Variants in ADGRD2 observed in about 807,000 individuals in gnomAD.
ADGRD2 encodes G protein-coupled receptor PGR24.
ADGRD2 carries 71 observed loss-of-function variants against 44.4 expected under a neutral mutation model. That is an observed-to-expected ratio of 1.60 (90% CI 1.32 to 1.95). The LOEUF is 1.95. ADGRD2 is among the 30% of genes most tolerant of loss of function. ADGRD2 has a pLI of 0.00. For missense variants in ADGRD2, 1,039 were observed against 512.4 expected, an observed-to-expected ratio of 2.03 and a Z score of -9.92; for synonymous variants, 481 against 224.8, an observed-to-expected ratio of 2.14 and a Z score of -10.19.
In ADGRD2 at chr9:124,454,560, C is replaced by T. The variant is rs117456728; in HGVS notation, c.1101C>T (p.Asn367=). The T allele has an allele frequency of 0.017, 12,108 of 716,836 alleles. 798 individuals carry two copies. In the East Asian group the frequency reaches 0.18, roughly 11 times the overall value. The allele number at this position is 716,836 out of a possible 1,614,324, so 44.4% of individuals were successfully genotyped here. ...TCAGCCGAGTCAATGCCTTGGCCAA[C>T]GACATTGTGGTGAGCTCCCTCTCAG... is the stretch of plus-strand genomic sequence containing the variant. Residue 367 remains asparagine (N), a synonymous_variant, in exon 5 of 22, where the codon AAC becomes AAT. Transcript: ENST00000334810. This position sits in a 1 kb window ranked among gnomAD's most constrained non-coding sequence, Gnocchi z 4.5.
At chr9:124,470,386 T>C in intron 16 of ADGRD2, 108 bp from the exon 20 acceptor site, 1 of 616,346 alleles carries the variant, frequency 1.6e-6, no homozygotes, top group Admixed American at 2.4e-5. Context: ...GTCCCGGCCC[T>C]CAGCTCCCAC....
At chr9:124,477,226 TG>T (rs1832066576) in intron 21 of ADGRD2, 3 of 367,460 alleles carry the variant, frequency 8.2e-6, no homozygotes, top group Non-Finnish European at 1.6e-5. Flanking sequence ...GTGGGTACTG[TG>T]GGAGGGTGAG....
intron 21 of ADGRD2, among the ~76,000 whole-genome samples, chr9:124,477,688 C>G (rs1376363283): frequency 3.9e-5 from 6 of 152,202 alleles, no homozygotes. Context: ...GACCAGCCCC[C>G]ATCCCCGGCT....
At chr9:124,451,166 G>A (rs76928670), upstream of ADGRD2, 1,552 of 472,326 alleles carry the variant, frequency 3.3e-3, 19 homozygotes, top group African/African-American at 0.028. Flanking sequence ...TGGGGAGCAG[G>A]GGAAAGGTGG....
chr9:124,458,515 C>G (rs896191104), intron 9 of ADGRD2, 101 bp from the exon 13 acceptor site: 1 of 654,418 alleles, frequency 1.5e-6, no homozygotes, highest in African/African-American at 1.8e-5. Flanking sequence ...CCTTCGGACA[C>G]AGAGGCTGCC....
chr9:124,451,332 C>T, upstream of ADGRD2: 2 of 418,918 alleles, frequency 4.8e-6, no homozygotes, highest in African/African-American at 4.1e-5. Flanking sequence ...TCGCCCCTCT[C>T]TGGCCAGCGA....
At chr9:124,457,949 T>A (rs1008690503) in intron 8 of ADGRD2, among the ~76,000 whole-genome samples, 164 bp from the exon 12 acceptor site, 4 of 152,136 alleles carry the variant, frequency 2.6e-5, no homozygotes, top group African/African-American at 9.7e-5. Context: ...GCTTGGAATT[T>A]TGGCTCTTCC....
upstream of ADGRD2, chr9:124,451,333 T>C: frequency 2.4e-6 from 1 of 417,774 alleles, no homozygotes; most frequent in East Asian, 7.2e-5. Context: ...CGCCCCTCTC[T>C]GGCCAGCGAC....
chr9:124,463,301 T>C (rs949103209), intron 10 of ADGRD2, among the ~76,000 whole-genome samples: 1 of 152,238 alleles, frequency 6.6e-6, no homozygotes, highest in African/African-American at 2.4e-5. Flanking sequence ...GATTTTCAAG[T>C]GTTAAACCAA....
exon 3 of ADGRD2, chr9:124,453,075 G>T (rs7861854): frequency 8.8e-6 from 6 of 681,578 alleles, no homozygotes; most frequent in Non-Finnish European, 1.3e-5. Flanking sequence ...ACGAGAGGAC[G>T]GCTGACCGGG....
At chr9:124,469,589 C>T (rs1488370733) in intron 16 of ADGRD2, 42 bp downstream of exon 19, 1 of 713,100 alleles carries the variant, frequency 1.4e-6, no homozygotes, top group Admixed American at 2.0e-5. Flanking sequence ...GCAGGAAGTG[C>T]ACAGTCAGCC....
In ADGRD2 at chr9:124,454,596, G is replaced by T; in HGVS notation, c.1108+27G>T. The stretch of plus-strand genomic sequence containing the variant: ...TGAGCTCCCTCTCAGGGGCTGGAAA[G>T]CCTGGGGGCTCCATGGGTCACCTCG... On this transcript the variant is annotated intron_variant, in intron 5 of 21. Transcript: ENST00000334810. This position sits in a 1 kb window ranked among gnomAD's most constrained non-coding sequence, Gnocchi z 4.5. 1 of 710,642 alleles carries T rather than the reference G, an allele frequency of 1.4e-6. No individual in the cohort carries two copies. Among genetic ancestry groups the T allele is most frequent in the Non-Finnish European group, 2.6e-6 (1 of 380,148 alleles). The allele number at this position is 710,642 out of a possible 1,614,324, so 44.0% of individuals were successfully genotyped here.
At chr9:124,461,174 C>A (rs1375621115) in intron 10 of ADGRD2, among the ~76,000 whole-genome samples, 1 of 152,056 alleles carries the variant, frequency 6.6e-6, no homozygotes, top group East Asian at 1.9e-4. Context: ...TGTAAGAATT[C>A]TTTATATATT....
chr9:124,459,262 C>T (rs887742503), intron 10 of ADGRD2, among the ~76,000 whole-genome samples: 1 of 152,152 alleles, frequency 6.6e-6, no homozygotes, highest in Non-Finnish European at 1.5e-5. Flanking sequence ...GAGGCCGAGG[C>T]GGGCGGATCA....
upstream of ADGRD2, chr9:124,451,183 G>C (rs1051676261): frequency 2.1e-6 from 1 of 472,104 alleles, no homozygotes; most frequent in Non-Finnish European, 4.4e-6. Flanking sequence ...GTGGCTGCAC[G>C]GAGCAGCGGT....
At chr9:124,457,592 G>GAGT in exon 8 of ADGRD2, 5 of 659,324 alleles carry the variant, frequency 7.6e-6, no homozygotes, top group Non-Finnish European at 1.4e-5. Context: ...GAAGTGAGGC[G>GAGT]ACTCCTCAGG....
intron 10 of ADGRD2, chr9:124,465,928 C>T: frequency 5.0e-6 from 1 of 199,422 alleles, no homozygotes; most frequent in African/African-American, 2.3e-5. Context: ...GGCCGGGGCC[C>T]TTGGACTCTT....
intron 10 of ADGRD2, 61 bp from the exon 14 acceptor site, chr9:124,466,197 G>A (rs1371688323): frequency 7.4e-6 from 4 of 542,226 alleles, no homozygotes; most frequent in African/African-American, 1.9e-5. Flanking sequence ...CCCAGGCTCT[G>A]GGGAAAGCCT....
chr9:124,466,617 C>G (rs1053576722), intron 11 of ADGRD2: 3 of 390,670 alleles, frequency 7.7e-6, no homozygotes, highest in African/African-American at 6.2e-5. Context: ...CAAGACCAGC[C>G]TGGGCAACAT....
Sources: gnomAD v4.1 joint callset for allele counts (sites outside exome capture counted in the v4.1 genomes callset) on GRCh38, gnomAD v4.1.1 for gene constraint, Gnocchi (gnomAD v3.1) non-coding constraint, MANE v1.5 for transcripts, NCBI Gene and HGNC (gene_info 2026-07-23, HGNC 2026-07-21) for gene names.